VWA3B: variants seen among roughly 807,000 people sequenced by gnomAD.
VWA3B encodes von Willebrand factor A domain containing 3B.
In VWA3B, 138 loss-of-function variants were observed where a neutral mutation model predicts 158.3. The ratio of observed to expected loss-of-function variants is 0.87; its 90% CI spans 0.76 to 1.00. The LOEUF (loss-of-function observed/expected upper bound fraction) is 1.00, where lower values mean the gene tolerates loss of function less well. VWA3B is among the 50% of genes least tolerant of loss of function. The pLI is 0.00. For missense variants in VWA3B, 1,555 were observed against 1,565.1 expected, an observed-to-expected ratio of 0.99 and a Z score of 0.11; for synonymous variants, 596 against 587.3, an observed-to-expected ratio of 1.01 and a Z score of -0.21.
intron 2 of VWA3B, among the ~76,000 whole-genome samples, chr2:98,107,443 A>G (rs1673758105): frequency 6.6e-6 from 1 of 152,150 alleles, no homozygotes; most frequent in South Asian, 2.1e-4. Flanking sequence ...AACAAGAAAC[A>G]ATGTAGAATT....
intron 16 of VWA3B, among the ~76,000 whole-genome samples, chr2:98,234,386 C>A (rs1001442996): frequency 6.6e-6 from 1 of 152,172 alleles, no homozygotes; most frequent in Non-Finnish European, 1.5e-5. Flanking sequence ...GGGCCTCAGT[C>A]CTACAATTGC....
At chr2:98,211,830 T>C (rs1683544211) in intron 12 of VWA3B, 100 bp from the exon 13 acceptor site, 4 of 944,048 alleles carry the variant, frequency 4.2e-6, no homozygotes, top group South Asian at 1.5e-5. Flanking sequence ...TTTCATCTCA[T>C]AGGTACTTTT....
chr2:98,146,881 G>A (rs1478662022), intron 7 of VWA3B, among the ~76,000 whole-genome samples: 6 of 152,154 alleles, frequency 3.9e-5, no homozygotes, highest in East Asian at 3.8e-4. Context: ...GTATGAAGGC[G>A]TGGGCTCTAA....
At chr2:98,194,281 A>C in intron 11 of VWA3B, 80 bp from the exon 12 acceptor site, 1 of 1,445,204 alleles carries the variant, frequency 6.9e-7, no homozygotes, top group Middle Eastern at 2.2e-4. Context: ...TCATGATTAA[A>C]ATATATCAAA....
chr2:98,099,697 T>G (rs1269820143), intron 2 of VWA3B, among the ~76,000 whole-genome samples: 1 of 152,182 alleles, frequency 6.6e-6, no homozygotes, highest in African/African-American at 2.4e-5. Flanking sequence ...TACTCCCTTT[T>G]GAACATTTGC....
chr2:98,278,519 G>A (rs1172679091), intron 22 of VWA3B, among the ~76,000 whole-genome samples: 4 of 151,802 alleles, frequency 2.6e-5, no homozygotes, highest in East Asian at 1.9e-4. Flanking sequence ...GAATTTTATT[G>A]CTGATGAAAG....
At chr2:98,254,125 C>T (rs920280427) in intron 20 of VWA3B, among the ~76,000 whole-genome samples, 6 of 152,154 alleles carry the variant, frequency 3.9e-5, no homozygotes, top group Non-Finnish European at 5.9e-5. Flanking sequence ...CTTTTCAGAA[C>T]CTGGAGGGAA....
intron 13 of VWA3B, among the ~76,000 whole-genome samples, chr2:98,215,202 A>G (rs6711478): frequency 0.9 from 136,175 of 152,014 alleles, 61,276 homozygotes; most frequent in East Asian, 0.97. Context: ...AGCACTTTGG[A>G]AGGCCGAGGT....
intron 19 of VWA3B, among the ~76,000 whole-genome samples, chr2:98,237,715 C>T (rs1416294236): frequency 6.6e-6 from 1 of 152,194 alleles, no homozygotes; most frequent in Non-Finnish European, 1.5e-5. Context: ...GCAAATACAA[C>T]AGCAACTAAC....
At chr2:98,173,141 T>C (rs867395280) in intron 8 of VWA3B, among the ~76,000 whole-genome samples, 1 of 152,352 alleles carries the variant, frequency 6.6e-6, no homozygotes. Flanking sequence ...ATGTTTATCT[T>C]TTCAAGAGTG....
rs375107174 is a variant in VWA3B at position 98,237,492 on chromosome 2, G to A, written c.2673+762G>A. ...AAGAACCACCAGATTGTCCTAGGCC[G>A]GTCCCGAGAGGAGAAAAACAGCTTC... is the stretch of plus-strand genomic sequence containing the variant. On this transcript the variant is annotated intron_variant, in intron 19 of 27. Transcript: ENST00000477737. 2.6e-5 allele frequency among the ~76,000 whole-genome samples: 4 copies of A among 152,168 alleles called. No homozygotes were observed. In the East Asian group the frequency reaches 7.7e-4, roughly 29 times the overall value.
intron 19 of VWA3B, chr2:98,242,243 G>A (rs758368798): frequency 2.2e-6 from 1 of 456,150 alleles, no homozygotes; most frequent in Non-Finnish European, 4.4e-6. Flanking sequence ...ACACAATGCT[G>A]TTTTGGTTTT....
At chr2:98,186,417 T>C (rs978116410) in intron 9 of VWA3B, among the ~76,000 whole-genome samples, 2 of 152,098 alleles carry the variant, frequency 1.3e-5, no homozygotes, top group Non-Finnish European at 2.9e-5. Flanking sequence ...CGGCCTACCC[T>C]GATCTCCCGA....
At chr2:98,228,393 C>G (rs1318178021) in intron 15 of VWA3B, 61 bp downstream of exon 15, 1 of 1,526,952 alleles carries the variant, frequency 6.5e-7, no homozygotes, top group African/African-American at 1.4e-5. Context: ...GGGCTTGCCC[C>G]CTGGGCCCTT....
chr2:98,094,262 AGT>A (rs1329716921), intron 2 of VWA3B, among the ~76,000 whole-genome samples: 1 of 152,168 alleles, frequency 6.6e-6, no homozygotes, highest in African/African-American at 2.4e-5. Context: ...TCCCACCAAC[AGT>A]GTGTGTGGGT....
intron 12 of VWA3B, chr2:98,206,464 G>A (rs1271575852): frequency 5.9e-6 from 2 of 336,388 alleles, no homozygotes; most frequent in Admixed American, 6.5e-5. Context: ...TTGGGTGAGA[G>A]CACAGTAAGG....
intron 12 of VWA3B, among the ~76,000 whole-genome samples, chr2:98,196,262 A>G (rs533983438): frequency 3.0e-4 from 46 of 152,306 alleles, no homozygotes; most frequent in Middle Eastern, 3.4e-3. Flanking sequence ...TCAAGAGAGT[A>G]AATTTTAAGT....
At chr2:98,257,165 C>CT (rs1553430044) in intron 21 of VWA3B, among the ~76,000 whole-genome samples, 9 of 151,848 alleles carry the variant, frequency 5.9e-5, no homozygotes, top group Non-Finnish European at 1.0e-4. Flanking sequence ...ATAAGATCAA[C>CT]TTTTTTTTGT....
chr2:98,174,113 G>A lies in VWA3B; in HGVS notation c.1115-6903G>A, dbSNP rs996952595. Among the ~76,000 whole-genome samples the A allele has an allele frequency of 3.3e-5, 5 of 152,172 alleles. No homozygotes were observed. The South Asian group carries it at 8.3e-4, about 25-fold the overall frequency. On this transcript the variant is annotated intron_variant, in intron 8 of 27. Transcript: ENST00000477737. ...GGACCTTCAAAACTTCTCCTTCATA[G>A]AAGGCATAAGGACCTTATCAGAATC...
Sources: gnomAD v4.1 joint callset for allele counts (sites outside exome capture counted in the v4.1 genomes callset) on GRCh38, gnomAD v4.1.1 for gene constraint, MANE v1.5 for transcripts, NCBI Gene and HGNC (gene_info 2026-07-23, HGNC 2026-07-21) for gene names.